Variants in ZFHX3 observed in about 807,000 individuals in gnomAD.
The protein encoded by ZFHX3 is zinc finger homeobox protein 3.
Under a neutral mutation model 279.1 loss-of-function variants are expected in ZFHX3, and 42 were observed. The ratio of observed to expected loss-of-function variants is 0.15; its 90% confidence interval spans 0.12 to 0.19. ZFHX3 has a LOEUF of 0.19. Ranked by LOEUF, ZFHX3 falls within the 10% of genes least tolerant of loss-of-function variation. The pLI is 1.00. For synonymous variants in ZFHX3, 2,293 were observed against 1,957.8 expected, an observed-to-expected ratio of 1.17 and a Z score of -4.52; for missense variants, 4,981 against 4,754.0, an observed-to-expected ratio of 1.05 and a Z score of -1.40.
chr16:73,731,512 T>C (rs1238709187), intron 1 of ZFHX3, among the ~76,000 whole-genome samples: 8 of 151,920 alleles, frequency 5.3e-5, no homozygotes, highest in Admixed American at 5.2e-4. Flanking sequence ...AATTTAATAA[T>C]CACCTGCAAA....
intron 4 of ZFHX3, among the ~76,000 whole-genome samples, chr16:72,832,057 G>A (rs1019318812): frequency 2.6e-5 from 4 of 152,156 alleles, no homozygotes; most frequent in African/African-American, 7.2e-5. Flanking sequence ...GATGAAGACA[G>A]TCTGATACCT....
Position 72,795,950 on chromosome 16 carries a change from A to G in ZFHX3, c.6732T>C (p.Ser2244=). Residue 2244 remains serine, a synonymous_variant, in exon 9 of 10, where the codon TCT becomes TCC. Coordinates refer to ENST00000268489, the MANE Select transcript of ZFHX3 (RefSeq NM_006885.4). ...GGTAGTCCGTAAACCTTGTTCTTGA[A>G]GACCTCTTGCTTCCCCAGTACTCCT... ...PKQEYWGSKR[S]SRTRFTDYQL... is the part of the protein sequence containing the mutation. The G allele has an allele frequency of 6.2e-7, 1 of 1,614,182 alleles. No homozygotes were observed. The highest frequency in any genetic ancestry group is 2.2e-5 in the East Asian group (1 of 44,868).
chr16:73,661,994 C>T (rs1404936922), intron 2 of ZFHX3, among the ~76,000 whole-genome samples: 1 of 125,920 alleles, frequency 7.9e-6, no homozygotes, highest in African/African-American at 3.0e-5. Flanking sequence ...TAAGGATAGA[C>T]ACAACGGACC....
intron 5 of ZFHX3, among the ~76,000 whole-genome samples, chr16:73,158,158 C>A (rs960417390): frequency 6.6e-6 from 1 of 152,162 alleles, no homozygotes; most frequent in Non-Finnish European, 1.5e-5. Flanking sequence ...TTTGTTCTTT[C>A]CCAGGCTGGG....
intron 1 of ZFHX3, among the ~76,000 whole-genome samples, chr16:73,054,181 A>G (rs571756443): frequency 2.6e-5 from 4 of 152,348 alleles, no homozygotes; most frequent in African/African-American, 9.6e-5. Flanking sequence ...TTCACTTAAT[A>G]CAAGGCCAGA....
At chr16:73,759,249 G>GT (rs757706224) in intron 1 of ZFHX3, among the ~76,000 whole-genome samples, 5 of 152,174 alleles carry the variant, frequency 3.3e-5, no homozygotes, top group Non-Finnish European at 5.9e-5. Context: ...TCTTTAACAC[G>GT]TGACTCCCAT....
chr16:73,049,150 C>A (rs1168041636), upstream of ZFHX3, among the ~76,000 whole-genome samples: 1 of 152,174 alleles, frequency 6.6e-6, no homozygotes, highest in African/African-American at 2.4e-5. Flanking sequence ...TTTTTCCATT[C>A]TCATCTGAAA....
At chr16:73,703,348 T>G (rs1264374612) in intron 1 of ZFHX3, among the ~76,000 whole-genome samples, 1 of 151,968 alleles carries the variant, frequency 6.6e-6, no homozygotes, top group African/African-American at 2.4e-5. Flanking sequence ...ATGACTACCA[T>G]TAAAACAATC....
At chr16:73,060,860 T>C (rs1965674674), upstream of ZFHX3, 1 of 152,230 alleles carries the variant, frequency 6.6e-6, no homozygotes, top group Non-Finnish European at 1.5e-5. Context: ...GAAATCTGTT[T>C]GATTAGAAAG....
chr16:72,868,052 G>A (rs1264706105), intron 4 of ZFHX3, among the ~76,000 whole-genome samples: 1 of 152,206 alleles, frequency 6.6e-6, no homozygotes, highest in Non-Finnish European at 1.5e-5. Context: ...GCCCCAAGAT[G>A]TTTCCAATTT....
At chr16:72,807,877 A>G (rs1271208698) in intron 7 of ZFHX3, 2 of 152,216 alleles carry the variant, frequency 1.3e-5, no homozygotes, top group Non-Finnish European at 2.9e-5. Flanking sequence ...TCTTGCTGCC[A>G]TTCATCCTAG....
intron 4 of ZFHX3, among the ~76,000 whole-genome samples, chr16:73,317,052 T>C (rs1028159401): frequency 2.0e-5 from 3 of 152,054 alleles, no homozygotes; most frequent in African/African-American, 4.8e-5. Context: ...AGACGTGAGA[T>C]GGGCAGGTCT....
chr16:72,865,976 A>G (rs1382850230), intron 4 of ZFHX3, among the ~76,000 whole-genome samples: 1 of 152,112 alleles, frequency 6.6e-6, no homozygotes, highest in Non-Finnish European at 1.5e-5. Flanking sequence ...GGCTTCTCTG[A>G]GCTCAACATA....
intron 1 of ZFHX3, 71 bp from the exon 2 acceptor site, chr16:72,960,265 G>C: frequency 1.6e-6 from 2 of 1,284,168 alleles, no homozygotes; most frequent in Non-Finnish European, 2.1e-6. Flanking sequence ...AGGTTAGGAG[G>C]GCCGAGGCTG....
intron 4 of ZFHX3, among the ~76,000 whole-genome samples, chr16:73,305,680 T>A (rs10871350): frequency 0.58 from 88,449 of 151,340 alleles, 26,473 homozygotes; most frequent in Middle Eastern, 0.66. Flanking sequence ...TGCTTCCTTG[T>A]AGTGCCCCAA....
intron 1 of ZFHX3, among the ~76,000 whole-genome samples, chr16:73,704,938 G>C (rs992312736): frequency 5.9e-5 from 9 of 152,156 alleles, no homozygotes; most frequent in Non-Finnish European, 1.2e-4. Flanking sequence ...GAGGTCAAGG[G>C]AGCCCTGATT....
At chr16:73,717,837 T>C (rs2053431199) in intron 1 of ZFHX3, among the ~76,000 whole-genome samples, 1 of 152,148 alleles carries the variant, frequency 6.6e-6, no homozygotes, top group South Asian at 2.1e-4. Context: ...AGGCGGACAT[T>C]GTGCAGTTCC....
At chr16:73,751,539 G>A (rs767115106) in intron 1 of ZFHX3, among the ~76,000 whole-genome samples, 14 of 152,108 alleles carry the variant, frequency 9.2e-5, no homozygotes, top group Middle Eastern at 3.4e-3. Context: ...GTGTGTGTGT[G>A]TATATATGTT....
intron 1 of ZFHX3, among the ~76,000 whole-genome samples, chr16:72,991,637 A>G (rs1963098737): frequency 6.6e-6 from 1 of 152,240 alleles, no homozygotes; most frequent in African/African-American, 2.4e-5. Flanking sequence ...ACAGACAAAG[A>G]ACATGTTCTC....
Sources: allele counts gnomAD v4.1 joint callset (sites outside exome capture counted in the v4.1 genomes callset), GRCh38; gene constraint gnomAD v4.1.1; transcripts MANE v1.5; gene names NCBI Gene and HGNC (gene_info 2026-07-23, HGNC 2026-07-21).